PDLIM5: variants seen among roughly 807,000 people sequenced by gnomAD.
The protein encoded by PDLIM5 is PDZ and LIM domain 5.
PDLIM5 carries 34 observed loss-of-function variants against 64.2 expected under a neutral mutation model. The ratio of observed to expected loss-of-function variants is 0.53; its 90% CI spans 0.40 to 0.71. PDLIM5 has a LOEUF of 0.71. Among genes scored for constraint, PDLIM5 ranks in the 30% least tolerant of loss-of-function variants. The pLI is 0.00. For synonymous variants in PDLIM5, 253 were observed against 269.1 expected (o/e 0.94, Z 0.59); for missense variants, 683 against 733.6 (o/e 0.93, Z 0.80).
intron 2 of PDLIM5, among the ~76,000 whole-genome samples, chr4:94,506,101 T>G (rs1030909997): frequency 1.3e-5 from 2 of 152,200 alleles, no homozygotes; most frequent in Non-Finnish European, 2.9e-5. Flanking sequence ...TCAAGGATTT[T>G]AGGAGCTGTA....
chr4:94,587,573 G>A, intron 7 of PDLIM5: 1 of 952,712 alleles, frequency 1.0e-6, no homozygotes, highest in Non-Finnish European at 1.3e-6. Flanking sequence ...AAGGAGGCAA[G>A]AATAAACAAA....
chr4:94,575,012 A>T (rs1030128391), intron 4 of PDLIM5, among the ~76,000 whole-genome samples: 1 of 150,350 alleles, frequency 6.7e-6, no homozygotes, highest in Non-Finnish European at 1.5e-5. Flanking sequence ...TTTTTTTTCA[A>T]ATTCTTTAAG....
At chr4:94,620,132 A>G (rs955752512) in intron 8 of PDLIM5, among the ~76,000 whole-genome samples, 3 of 152,186 alleles carry the variant, frequency 2.0e-5, no homozygotes, top group African/African-American at 7.2e-5. Flanking sequence ...ATGGCATACT[A>G]CCATGCTTTT....
At chr4:94,576,078 T>G (rs767954926) in intron 5 of PDLIM5, 44 bp downstream of exon 5, 145 of 1,507,048 alleles carry the variant, frequency 9.6e-5, no homozygotes, top group Non-Finnish European at 1.2e-4. Flanking sequence ...AACTCTTCTT[T>G]CAGGTAATTT....
chr4:94,452,181 G>T (rs1394351889), intron 1 of PDLIM5, among the ~76,000 whole-genome samples, 186 bp downstream of exon 1: 1 of 152,194 alleles, frequency 6.6e-6, no homozygotes, highest in African/African-American at 2.4e-5. Context: ...AGAGCAGCTT[G>T]GGAAAAGGAG....
rs1253856306 is a variant in PDLIM5 at position 94,462,197 on chromosome 4, A to C, written c.96+6813A>C. Among the ~76,000 whole-genome samples the C allele has an allele frequency of 2.0e-5, 3 of 152,240 alleles. No individual in the cohort carries two copies. In the East Asian group the frequency reaches 5.8e-4, roughly 29 times the overall value. ...TTAGGTAAGACATTCATATGGTTCA[A>C]AATTCAAAAGATACACGAGCGTATA... On this transcript the variant is annotated intron_variant, in intron 2 of 12. Transcript: ENST00000317968.
chr4:94,459,751 T>G (rs1389098915), intron 2 of PDLIM5, among the ~76,000 whole-genome samples: 2 of 152,214 alleles, frequency 1.3e-5, no homozygotes, highest in African/African-American at 4.8e-5. Flanking sequence ...CTTTTGTTTG[T>G]GGGGGTTGGT....
chr4:94,582,581 T>C, intron 5 of PDLIM5: 1 of 592,696 alleles, frequency 1.7e-6, no homozygotes, highest in Non-Finnish European at 3.0e-6. Context: ...CTGAAAATCA[T>C]TGTTTTGAAT....
At chr4:94,632,112 TC>T (rs1460914846) in intron 8 of PDLIM5, among the ~76,000 whole-genome samples, 1 of 152,250 alleles carries the variant, frequency 6.6e-6, no homozygotes, top group Non-Finnish European at 1.5e-5. Flanking sequence ...CTCAGCATTT[TC>T]CCACCTTTCT....
intron 2 of PDLIM5, among the ~76,000 whole-genome samples, chr4:94,461,419 T>A (rs1310801381): frequency 6.6e-6 from 1 of 152,246 alleles, no homozygotes; most frequent in Non-Finnish European, 1.5e-5. Context: ...TTAGGTATTC[T>A]ATGTGTTGGG....
At chr4:94,650,433 G>GT (rs1007137347) in intron 9 of PDLIM5, among the ~76,000 whole-genome samples, 3 of 152,084 alleles carry the variant, frequency 2.0e-5, no homozygotes, top group Non-Finnish European at 2.9e-5. Flanking sequence ...GAGCACGTCA[G>GT]TTTTTTTATA....
At chr4:94,627,494 GA>G (rs774782839) in intron 8 of PDLIM5, among the ~76,000 whole-genome samples, 1 of 152,132 alleles carries the variant, frequency 6.6e-6, no homozygotes, top group Non-Finnish European at 1.5e-5. Context: ...TTTTCATAAA[GA>G]ATTGTTCTAT....
rs1385641958 is a variant in PDLIM5, at chr4:94,455,979, A to T, written c.96+595A>T. 3 of 1,467,492 alleles carry T rather than the reference A, an allele frequency of 2.0e-6. No individual in the cohort carries two copies. The East Asian group carries it at 7.5e-5, about 37-fold the overall frequency. The allele number at this position is 1,467,492 out of a possible 1,614,324, so 90.9% of individuals were successfully genotyped here. On this transcript the variant is annotated intron_variant, in intron 2 of 12. Transcript: ENST00000317968. Reference sequence around the variant, plus strand: ...GATTTAGTTTGAATGTATTCTGTGTATATATTTTAAGGATATGTTTTCATG... The same window carrying T: ...GATTTAGTTTGAATGTATTCTGTGTTTATATTTTAAGGATATGTTTTCATG...
At chr4:94,662,646 G>T in intron 12 of PDLIM5, 109 bp downstream of exon 12, 1 of 485,824 alleles carries the variant, frequency 2.1e-6, no homozygotes, top group Non-Finnish European at 3.7e-6. Flanking sequence ...CAAACCTAAG[G>T]AAAAATTATT....
chr4:94,586,736 G>A lies in PDLIM5; in HGVS notation c.920+292G>A, dbSNP rs540051789. ...AATACATATGTCTGTGAATGAGCTCGTGTGTTGTCTTGCAGTCACTTTATT... is the reference window on the plus strand; with the variant it reads ...AATACATATGTCTGTGAATGAGCTCATGTGTTGTCTTGCAGTCACTTTATT... On this transcript the variant is annotated intron_variant, in intron 7 of 12. Transcript: ENST00000317968. Among the ~76,000 whole-genome samples, 48 of 152,234 alleles carry A rather than the reference G, an allele frequency of 3.2e-4. No homozygotes were observed. In the South Asian group the frequency reaches 8.7e-3, roughly 28 times the overall value.
At position 94,575,928 on chromosome 4, in the gene PDLIM5, A is replaced by C; in HGVS notation, c.604A>C (p.Asn202His). 6.2e-7 allele frequency: 1 copy of C among 1,614,110 alleles called. No homozygotes were observed. Among genetic ancestry groups the C allele is most frequent in the Non-Finnish European group, 8.5e-7 (1 of 1,179,974 alleles). ...SALSAGKTAVNVPRQPTVTSV... is the reference protein window; with the variant it reads ...SALSAGKTAVHVPRQPTVTSV... ...ACTGAGCGCTGGTAAAACTGCAGTT[A>C]ATGTCCCACGGCAGCCCACAGTCAC... The change falls in exon 5 of 13, where the codon AAT becomes CAT. Residue 202 changes from asparagine (N) to histidine (H), a missense_variant. Coordinates refer to ENST00000317968, the MANE Select transcript of PDLIM5 (RefSeq NM_006457.5).
intron 2 of PDLIM5, among the ~76,000 whole-genome samples, chr4:94,513,861 T>A (rs1006946923): frequency 6.6e-6 from 1 of 152,200 alleles, no homozygotes; most frequent in South Asian, 2.1e-4. Context: ...GCTGTGGGTC[T>A]GTCATATATG....
intron 7 of PDLIM5, among the ~76,000 whole-genome samples, chr4:94,616,754 A>G (rs745594076): frequency 9.4e-4 from 143 of 152,334 alleles, no homozygotes; most frequent in African/African-American, 2.4e-3. Flanking sequence ...TGATGGCTCT[A>G]TGACACTTGC....
At chr4:94,663,879 A>T in intron 12 of PDLIM5, 99 bp from the exon 13 acceptor site, 1 of 1,250,678 alleles carries the variant, frequency 8.0e-7, no homozygotes, top group Non-Finnish European at 1.1e-6. Flanking sequence ...CATATTATCC[A>T]TTGGGGGGAA....
Sources: gnomAD v4.1 joint callset for allele counts (sites outside exome capture counted in the v4.1 genomes callset) on GRCh38, gnomAD v4.1.1 for gene constraint, MANE v1.5 for transcripts, NCBI Gene and HGNC (gene_info 2026-07-23, HGNC 2026-07-21) for gene names.